CNTN1: variants seen among roughly 807,000 people sequenced by gnomAD.
The protein encoded by CNTN1 is contactin-1.
In CNTN1, 38 loss-of-function variants were observed where a neutral mutation model predicts 126.4. The observed-to-expected ratio is 0.30, with a 90% CI of 0.23 to 0.39. The LOEUF (loss-of-function observed/expected upper bound fraction) is 0.39. CNTN1 is among the 10% of genes least tolerant of loss of function. The pLI, the probability that CNTN1 is intolerant of heterozygous loss-of-function variation, is 1.00. For synonymous variants in CNTN1, 413 were observed against 422.6 expected, an observed-to-expected ratio of 0.98 and a Z score of 0.28; for missense variants, 1,009 against 1,248.4, an observed-to-expected ratio of 0.81 and a Z score of 2.89.
chr12:40,821,393 T>A (rs1235318258), intron 1 of CNTN1, among the ~76,000 whole-genome samples: 2 of 152,212 alleles, frequency 1.3e-5, no homozygotes, highest in Non-Finnish European at 1.5e-5. Flanking sequence ...AAACTGCCTA[T>A]TTTAAAGTAA....
At chr12:40,891,213 G>T (rs1252220555) in intron 1 of CNTN1, among the ~76,000 whole-genome samples, 1 of 152,032 alleles carries the variant, frequency 6.6e-6, no homozygotes, top group African/African-American at 2.4e-5. Flanking sequence ...TAGTTGAGTT[G>T]TTTGTATTCC....
At chr12:40,965,967 A>G (rs988084820) in intron 15 of CNTN1, among the ~76,000 whole-genome samples, 4 of 151,374 alleles carry the variant, frequency 2.6e-5, no homozygotes, top group Non-Finnish European at 4.4e-5. Flanking sequence ...ACCAAGTTAA[A>G]CAGGCGTGTA....
intron 12 of CNTN1, 146 bp from the exon 13 acceptor site, chr12:40,943,451 G>C: frequency 1.6e-6 from 1 of 641,118 alleles, no homozygotes; most frequent in South Asian, 2.1e-5. Context: ...CTAAAGGCTA[G>C]AATTTGTCAT....
chr12:41,046,391 C>T (rs1366005572), intron 23 of CNTN1, among the ~76,000 whole-genome samples: 5 of 151,972 alleles, frequency 3.3e-5, no homozygotes, highest in African/African-American at 1.2e-4. Context: ...CAAACATATT[C>T]TCATATATTT....
intron 23 of CNTN1, among the ~76,000 whole-genome samples, chr12:41,060,599 G>A (rs960941926): frequency 1.3e-5 from 2 of 152,204 alleles, no homozygotes. Flanking sequence ...ATTTCACAAA[G>A]TTGGGGCTGT....
intron 1 of CNTN1, among the ~76,000 whole-genome samples, chr12:40,775,496 G>A (rs1466635591): frequency 6.6e-6 from 1 of 151,326 alleles, no homozygotes; most frequent in Non-Finnish European, 1.5e-5. Flanking sequence ...ACAGATCTAA[G>A]CCTGATATCC....
At chr12:41,008,429 A>G (rs1174822102) in intron 17 of CNTN1, among the ~76,000 whole-genome samples, 3 of 152,152 alleles carry the variant, frequency 2.0e-5, no homozygotes, top group African/African-American at 4.8e-5. Context: ...TGAGAAAAAC[A>G]TATATACCCC....
chr12:40,906,674 T>TG (rs1017958693), intron 1 of CNTN1, among the ~76,000 whole-genome samples: 1 of 133,828 alleles, frequency 7.5e-6, no homozygotes, highest in African/African-American at 2.8e-5. Flanking sequence ...TCATGCTTTT[T>TG]TTTTGTTTTG....
chr12:41,051,092 A>G (rs1949664560), intron 23 of CNTN1, among the ~76,000 whole-genome samples: 1 of 151,942 alleles, frequency 6.6e-6, no homozygotes, highest in Admixed American at 6.6e-5. Flanking sequence ...TCTATGAATC[A>G]ATCAGTCCAA....
chr12:40,910,185 T>C (rs2136818007), intron 3 of CNTN1, 80 bp downstream of exon 3: 2 of 1,138,482 alleles, frequency 1.8e-6, no homozygotes, highest in East Asian at 2.4e-5. Flanking sequence ...AACTATTAAC[T>C]CTCTAAACTT....
At chr12:40,957,825 G>A (rs1238550876) in intron 14 of CNTN1, among the ~76,000 whole-genome samples, 1 of 151,860 alleles carries the variant, frequency 6.6e-6, no homozygotes, top group African/African-American at 2.4e-5. Flanking sequence ...TTAATATTCT[G>A]TTCCAACTAA....
intron 17 of CNTN1, among the ~76,000 whole-genome samples, chr12:41,009,633 A>T (rs548737500): frequency 6.6e-6 from 1 of 152,284 alleles, no homozygotes; most frequent in African/African-American, 2.4e-5. Context: ...ATTGAGTTTT[A>T]TGTGCTCCTA....
intron 1 of CNTN1, among the ~76,000 whole-genome samples, chr12:40,869,919 T>G (rs1200367720): frequency 6.6e-6 from 1 of 152,218 alleles, no homozygotes; most frequent in Non-Finnish European, 1.5e-5. Flanking sequence ...AAATCTCATC[T>G]TGAATTGTAA....
intron 1 of CNTN1, among the ~76,000 whole-genome samples, chr12:40,889,610 T>C (rs551696825): frequency 6.6e-6 from 1 of 152,334 alleles, no homozygotes; most frequent in Admixed American, 6.5e-5. Context: ...CACTGAGAAT[T>C]ATTTAATCAT....
At chr12:40,834,041 G>A (rs1941955056) in intron 1 of CNTN1, among the ~76,000 whole-genome samples, 1 of 152,200 alleles carries the variant, frequency 6.6e-6, no homozygotes. Flanking sequence ...ACTCTCTTGA[G>A]AACAGTGTCC....
At position 41,032,324 on chromosome 12, in the gene CNTN1, C is replaced by T. The variant is rs140683526; in HGVS notation, c.2980+3105C>T. 3.4e-3 allele frequency among the ~76,000 whole-genome samples: 505 copies of T among 149,368 alleles called. 3 individuals carry two copies. The highest frequency in any genetic ancestry group is 0.012 in the African/African-American group (475 of 40,342). ...TGGTGCTTGCAGTGAGCCGAAATCG[C>T]GCCACTGCACTCCAGCCTGGGCGAC... On this transcript the variant is annotated intron_variant, in intron 23 of 23. Transcript: ENST00000551295.
chr12:40,991,828 A>AAAAC (rs141511459), intron 16 of CNTN1, among the ~76,000 whole-genome samples: 16,784 of 151,958 alleles, frequency 0.11, 965 homozygotes, highest in Non-Finnish European at 0.13. Context: ...ACTCCGTCTC[A>AAAAC]AAACAAACAA....
rs1942703300 is a variant in CNTN1, at chr12:40,851,205, A to G, written c.-76-57152A>G. On this transcript the variant is annotated intron_variant, in intron 1 of 23. Coordinates refer to ENST00000551295, the MANE Select transcript of CNTN1 (RefSeq NM_001843.4). ...TAACAGAGTTTCCATGTGCTCTGAG[A>G]TCAAATAACATTTTAGTAAAATTAG... Among the ~76,000 whole-genome samples, 4 of 152,180 alleles carry G rather than the reference A, an allele frequency of 2.6e-5. No homozygotes were observed. The South Asian group carries it at 8.3e-4, about 32-fold the overall frequency.
chr12:40,908,709 A>G (rs1375494806), intron 2 of CNTN1, among the ~76,000 whole-genome samples: 2 of 152,116 alleles, frequency 1.3e-5, no homozygotes, highest in East Asian at 3.8e-4. Flanking sequence ...GTGCTGGTGA[A>G]TGTTTAAAAT....
Sources: allele counts gnomAD v4.1 joint callset (sites outside exome capture counted in the v4.1 genomes callset), GRCh38; gene constraint gnomAD v4.1.1; transcripts MANE v1.5; gene names NCBI Gene and HGNC (gene_info 2026-07-23, HGNC 2026-07-21).